Variants in RGS8 observed in about 807,000 individuals in gnomAD.
RGS8 encodes the protein regulator of G-protein signaling 8.
Under a neutral mutation model 21.7 loss-of-function variants are expected in RGS8, and 8 were observed. The ratio of observed to expected loss-of-function variants is 0.37; its 90% CI spans 0.22 to 0.66. The LOEUF (loss-of-function observed/expected upper bound fraction) is 0.66, where lower values mean the gene tolerates loss of function less well. Ranked by LOEUF, RGS8 falls within the 30% of genes least tolerant of loss-of-function variation. The probability of loss-of-function intolerance (pLI) is 0.59; values close to 1 mark genes in which losing one functional copy is unlikely to be tolerated. For missense variants in RGS8, 157 were observed against 217.9 expected (o/e 0.72, Z 1.76); for synonymous variants, 80 against 83.6 (o/e 0.96, Z 0.24).
chr1:182,667,959 G>A lies in RGS8; in HGVS notation c.27-986C>T, dbSNP rs193002308. On this transcript the variant is annotated intron_variant, in intron 3 of 6. Transcript: ENST00000483095. Reference sequence around the variant, plus strand: ...AGCCTCCTGAGTAGCCGGGATTACAGGCCCAAGCCACCACGCCCAGCTAGC... The same window carrying A: ...AGCCTCCTGAGTAGCCGGGATTACAAGCCCAAGCCACCACGCCCAGCTAGC... 2.4e-4 allele frequency among the ~76,000 whole-genome samples: 37 copies of A among 152,272 alleles called. 1 individual carries two copies. In the South Asian group the frequency reaches 3.3e-3, roughly 14 times the overall value.
chr1:182,747,981 A>G, the RGS8 span, among the ~76,000 whole-genome samples: 1 of 151,464 alleles, frequency 6.6e-6, no homozygotes, highest in Non-Finnish European at 1.5e-5. Context: ...TTTATTTTTA[A>G]AAGTTTGCTT....
At chr1:182,715,211 A>G in the RGS8 span, among the ~76,000 whole-genome samples, 1 of 152,250 alleles carries the variant, frequency 6.6e-6, no homozygotes, top group East Asian at 1.9e-4. Context: ...GCTCAGCAGC[A>G]TCAACAAAGA....
the RGS8 span, among the ~76,000 whole-genome samples, chr1:182,732,427 T>C: frequency 6.6e-6 from 1 of 152,124 alleles, no homozygotes; most frequent in Non-Finnish European, 1.5e-5. Context: ...AATGAATAAA[T>C]GAGCAAGGAG....
intron 5 of RGS8, among the ~76,000 whole-genome samples, chr1:182,664,333 C>T (rs1377410238): frequency 6.6e-6 from 1 of 151,800 alleles, no homozygotes; most frequent in East Asian, 1.9e-4. Context: ...AGTAGAGAAC[C>T]TTTAAGTAGA....
At chr1:182,746,404 C>G in the RGS8 span, among the ~76,000 whole-genome samples, 2 of 152,128 alleles carry the variant, frequency 1.3e-5, no homozygotes, top group Non-Finnish European at 2.9e-5. Context: ...CAGTGGCTCA[C>G]TCCTGTAATC....
chr1:182,663,170 AG>A (rs1663684696), intron 5 of RGS8, among the ~76,000 whole-genome samples: 1 of 152,300 alleles, frequency 6.6e-6, no homozygotes, highest in South Asian at 2.1e-4. Flanking sequence ...CCCTCCTAAG[AG>A]ACGAGCACAC....
chr1:182,663,198 A>G (rs1016321596), intron 5 of RGS8, among the ~76,000 whole-genome samples: 17 of 152,202 alleles, frequency 1.1e-4, no homozygotes, highest in African/African-American at 4.1e-4. Context: ...TCCCTTTGGA[A>G]AAGCTTAATC....
At chr1:182,686,426 A>G (rs1664710560), upstream of RGS8, among the ~76,000 whole-genome samples, 1 of 152,150 alleles carries the variant, frequency 6.6e-6, no homozygotes, top group East Asian at 1.9e-4. Flanking sequence ...AGAAGATGAG[A>G]GCCAAAAAAA....
the RGS8 span, among the ~76,000 whole-genome samples, chr1:182,732,269 TCATA>T: frequency 3.1e-3 from 389 of 126,446 alleles, 2 homozygotes; most frequent in African/African-American, 0.01. Flanking sequence ...GCTCTCTCTC[TCATA>T]CACACACACA....
the RGS8 span, chr1:182,734,823 G>A: frequency 6.6e-6 from 1 of 152,190 alleles, no homozygotes; most frequent in Admixed American, 6.5e-5. Context: ...ACTGCAAGTT[G>A]AACTCAGTAT....
chr1:182,745,325 G>A, the RGS8 span, among the ~76,000 whole-genome samples: 1 of 150,110 alleles, frequency 6.7e-6, no homozygotes, highest in East Asian at 2.0e-4. Context: ...AAATTCTGAA[G>A]GGCCTATTTA....
At chr1:182,722,228 T>C in the RGS8 span, among the ~76,000 whole-genome samples, 1 of 152,004 alleles carries the variant, frequency 6.6e-6, no homozygotes, top group South Asian at 2.1e-4. Context: ...TTTTTTTTTT[T>C]TTCCACATAT....
chr1:182,665,950 C>T lies in RGS8; in HGVS notation c.193+19G>A, dbSNP rs764562082. On this transcript the variant is annotated intron_variant, in intron 5 of 6. Transcript: ENST00000483095. ...ATAGATGATTTGCCATGTCATGATA[C>T]GACCTGAATTCTACTTACACTTATG... The T allele has an allele frequency of 5.7e-5, 92 of 1,601,130 alleles. 1 individual carries two copies. The South Asian group carries it at 6.7e-4, about 12-fold the overall frequency.
intron 5 of RGS8, among the ~76,000 whole-genome samples, chr1:182,655,761 C>G (rs1663244128): frequency 6.6e-6 from 1 of 152,194 alleles, no homozygotes; most frequent in Non-Finnish European, 1.5e-5. Context: ...TTAAATTAGC[C>G]TGTATCAGAC....
chr1:182,724,201 G>GATATATATATATATATAT, the RGS8 span, among the ~76,000 whole-genome samples: 5 of 42,118 alleles, frequency 1.2e-4, no homozygotes, highest in Non-Finnish European at 2.4e-4. Context: ...GGCTAGACTG[G>GATATATATATATATATAT]ATATATATAT....
chr1:182,669,855 ACATCC>A, intron 2 of RGS8, 103 bp from the exon 4 acceptor site: 1 of 1,278,154 alleles, frequency 7.8e-7, no homozygotes, highest in Non-Finnish European at 1.0e-6. Flanking sequence ...CTCCCCACAC[ACATCC>A]CCCCAGCCCC....
chr1:182,748,810 A>C, the RGS8 span, among the ~76,000 whole-genome samples: 1 of 152,224 alleles, frequency 6.6e-6, no homozygotes, highest in East Asian at 1.9e-4. Context: ...ACTGGGTGAA[A>C]TGGTATCTCA....
chr1:182,669,333 A>G (rs1035715547), intron 3 of RGS8, among the ~76,000 whole-genome samples: 8 of 152,196 alleles, frequency 5.3e-5, no homozygotes, highest in Admixed American at 1.3e-4. Flanking sequence ...AAATTGTTCC[A>G]TACAAGCTCA....
At chr1:182,692,165 C>T in the RGS8 span, among the ~76,000 whole-genome samples, 4 of 151,992 alleles carry the variant, frequency 2.6e-5, no homozygotes, top group Non-Finnish European at 5.9e-5. Flanking sequence ...GCCACCACAC[C>T]AGCTAATTTT....
Sources: gnomAD v4.1 joint callset for allele counts (sites outside exome capture counted in the v4.1 genomes callset) on GRCh38, gnomAD v4.1.1 for gene constraint, MANE v1.5 for transcripts, NCBI Gene and HGNC (gene_info 2026-07-23, HGNC 2026-07-21) for gene names.